The following MARCHF1 variants were observed in gnomAD, a reference collection of about 807,000 sequenced individuals.
MARCHF1 encodes membrane associated ring-CH-type finger 1, also known as E3 ubiquitin-protein ligase MARCHF1.
MARCHF1 carries 40 observed loss-of-function variants against 54.2 expected under a neutral mutation model. The ratio of observed to expected loss-of-function variants is 0.74; its 90% CI spans 0.57 to 0.96. The LOEUF (loss-of-function observed/expected upper bound fraction) is 0.96, where lower values mean the gene tolerates loss of function less well. Among genes scored for constraint, MARCHF1 ranks in the 40% least tolerant of loss-of-function variants. The pLI, the probability that MARCHF1 is intolerant of heterozygous loss-of-function variation, is 0.00. For missense variants in MARCHF1, 586 were observed against 656.5 expected (o/e 0.89, Z 1.17); for synonymous variants, 236 against 236.3 (o/e 1.00, Z 0.01).
intron 8 of MARCHF1, among the ~76,000 whole-genome samples, chr4:163,566,001 G>A (rs548002480): frequency 6.6e-6 from 1 of 152,266 alleles, no homozygotes; most frequent in East Asian, 1.9e-4. Flanking sequence ...GACAAAGCCT[G>A]TTTTTGAAAA....
chr4:163,949,539 G>T (rs138982349), intron 3 of MARCHF1, among the ~76,000 whole-genome samples: 2 of 152,228 alleles, frequency 1.3e-5, no homozygotes, highest in Non-Finnish European at 2.9e-5. Flanking sequence ...TCAGCGGGTC[G>T]CAAGTTCTTG....
chr4:164,061,510 A>G (rs191889946), intron 2 of MARCHF1, among the ~76,000 whole-genome samples: 1 of 101,200 alleles, frequency 9.9e-6, no homozygotes. Context: ...GAAGGGGAAC[A>G]TCACACTCTG....
At chr4:164,189,900 C>T (rs62347975) in intron 1 of MARCHF1, 707,092 of 1,567,250 alleles carry the variant, frequency 0.45, 167,193 homozygotes, top group Non-Finnish European at 0.49. Context: ...TGGTATTCTT[C>T]GAGTGACAGC....
chr4:163,706,129 A>G (rs897565617), intron 4 of MARCHF1, among the ~76,000 whole-genome samples: 1 of 152,034 alleles, frequency 6.6e-6, no homozygotes, highest in African/African-American at 2.4e-5. Flanking sequence ...CTAAGGTCAA[A>G]TTTCCTCCAG....
intron 3 of MARCHF1, among the ~76,000 whole-genome samples, chr4:163,889,268 A>G (rs1006312303): frequency 1.2e-4 from 18 of 152,142 alleles, no homozygotes; most frequent in Admixed American, 6.5e-5. Context: ...TCCATTAACA[A>G]TCCTACAAAG....
At chr4:163,543,788 A>G (rs1738802657) in intron 9 of MARCHF1, among the ~76,000 whole-genome samples, 1 of 152,206 alleles carries the variant, frequency 6.6e-6, no homozygotes, top group African/African-American at 2.4e-5. Flanking sequence ...ATGAGGGTCT[A>G]TGTATACATG....
At chr4:164,164,219 G>A (rs1443055983) in intron 1 of MARCHF1, among the ~76,000 whole-genome samples, 2 of 151,614 alleles carry the variant, frequency 1.3e-5, no homozygotes, top group Non-Finnish European at 2.9e-5. Context: ...CAGAATAAAA[G>A]TAATAATAAA....
intron 1 of MARCHF1, among the ~76,000 whole-genome samples, chr4:164,160,935 C>G (rs1730216066): frequency 6.6e-6 from 1 of 151,914 alleles, no homozygotes; most frequent in Admixed American, 6.6e-5. Context: ...AAAGACATAC[C>G]TAATACAAAA....
chr4:163,808,877 C>T (rs1383242001), intron 4 of MARCHF1, among the ~76,000 whole-genome samples: 1 of 152,060 alleles, frequency 6.6e-6, no homozygotes, highest in Non-Finnish European at 1.5e-5. Flanking sequence ...CCTGGAAATG[C>T]ATTTTAAGTA....
intron 4 of MARCHF1, among the ~76,000 whole-genome samples, chr4:163,739,252 A>G (rs1478406949): frequency 1.3e-5 from 2 of 152,238 alleles, no homozygotes; most frequent in Non-Finnish European, 2.9e-5. Flanking sequence ...GTGGTATATT[A>G]CAGAGACTCC....
chr4:164,051,607 AT>A (rs147167887), intron 2 of MARCHF1, among the ~76,000 whole-genome samples: 1 of 152,262 alleles, frequency 6.6e-6, no homozygotes, highest in East Asian at 1.9e-4. Flanking sequence ...AGGTATTAAT[AT>A]TTTTTCCTTA....
intron 2 of MARCHF1, among the ~76,000 whole-genome samples, chr4:163,990,651 A>G (rs1752953418): frequency 6.6e-6 from 1 of 152,188 alleles, no homozygotes; most frequent in Admixed American, 6.5e-5. Context: ...AATTTTCTGT[A>G]GCTTAATGTT....
At chr4:164,201,925 T>A (rs1456470033) in intron 1 of MARCHF1, among the ~76,000 whole-genome samples, 1 of 152,226 alleles carries the variant, frequency 6.6e-6, no homozygotes, top group Non-Finnish European at 1.5e-5. Flanking sequence ...TAGCTAATTA[T>A]TCTTTCCTTC....
chr4:163,926,783 C>T (rs1317586262), intron 3 of MARCHF1, among the ~76,000 whole-genome samples: 3 of 151,466 alleles, frequency 2.0e-5, no homozygotes, highest in African/African-American at 7.3e-5. Flanking sequence ...GAATGGATTA[C>T]TATTTCTAAT....
At chr4:164,049,020 AT>A (rs1754298946) in intron 2 of MARCHF1, among the ~76,000 whole-genome samples, 2 of 152,232 alleles carry the variant, frequency 1.3e-5, no homozygotes, top group South Asian at 4.1e-4. Flanking sequence ...AATATATAAA[AT>A]ACTAGTGATT....
At chr4:164,199,423 C>A (rs1411961443) in intron 1 of MARCHF1, among the ~76,000 whole-genome samples, 1 of 152,062 alleles carries the variant, frequency 6.6e-6, no homozygotes, top group Non-Finnish European at 1.5e-5. Context: ...AGGCAGATCA[C>A]CTGAGGTCAG....
At position 163,526,009 on chromosome 4, in the gene MARCHF1, G is replaced by A. The variant is rs1738092011; in HGVS notation, c.*2739C>T. The A allele has an allele frequency of 6.6e-6, 1 of 152,026 alleles. No homozygotes were observed. The highest frequency in any genetic ancestry group is 2.4e-5 in the African/African-American group (1 of 41,402). The allele number at this position is 152,026 out of a possible 1,614,324, so 9.4% of individuals were successfully genotyped here. A position where few individuals can be genotyped will look rare whatever the true frequency, so the allele number is the denominator to read the frequency against. ...AAAGCTTGAAATTCAGAACTTCAGG[G>A]TTTCAAAAAGTCAGAAGAATAGCAA... On this transcript the variant is annotated 3_prime_UTR_variant, in exon 10 of 10. Coordinates refer to ENST00000514618, the MANE Select transcript of MARCHF1 (RefSeq NM_001394959.1).
chr4:164,000,075 A>G (rs1170047988), intron 2 of MARCHF1, among the ~76,000 whole-genome samples: 2 of 151,732 alleles, frequency 1.3e-5, no homozygotes, highest in African/African-American at 4.8e-5. Flanking sequence ...CAAGCAGGCA[A>G]TGCATGTGGT....
chr4:163,651,057 G>GT (rs1742945898), intron 5 of MARCHF1, among the ~76,000 whole-genome samples: 1 of 151,930 alleles, frequency 6.6e-6, no homozygotes, highest in South Asian at 2.1e-4. Flanking sequence ...ACTTATCAGA[G>GT]TAAGAACTGA....
Sources: allele counts gnomAD v4.1 joint callset (sites outside exome capture counted in the v4.1 genomes callset), GRCh38; gene constraint gnomAD v4.1.1; transcripts MANE v1.5; gene names NCBI Gene and HGNC (gene_info 2026-07-23, HGNC 2026-07-21).